The following MTMR9 variants were observed in gnomAD, a reference collection of about 807,000 sequenced individuals.
MTMR9 encodes myotubularin related protein 9.
In MTMR9, 39 loss-of-function variants were observed where a neutral mutation model predicts 69.5. The observed-to-expected ratio is 0.56, with a 90% confidence interval of 0.43 to 0.73. The LOEUF (loss-of-function observed/expected upper bound fraction) is 0.73. MTMR9 is among the 30% of genes least tolerant of loss of function. MTMR9 has a pLI of 0.00. For synonymous variants in MTMR9, 354 were observed against 240.8 expected (o/e 1.47, Z -4.35); for missense variants, 900 against 671.2 (o/e 1.34, Z -3.77).
intron 3 of MTMR9, among the ~76,000 whole-genome samples, chr8:11,301,719 A>G (rs1799754139): frequency 6.9e-6 from 1 of 145,358 alleles, no homozygotes; most frequent in Non-Finnish European, 1.5e-5. Context: ...AAATGGATTC[A>G]GTTTATTTTT....
intron 4 of MTMR9, 81 bp downstream of exon 4, chr8:11,305,095 C>T (rs973839605): frequency 3.1e-5 from 42 of 1,343,346 alleles, no homozygotes; most frequent in Non-Finnish European, 3.9e-5. Context: ...CTTTTGCTCT[C>T]TGTCTGTTCA....
intron 6 of MTMR9, among the ~76,000 whole-genome samples, chr8:11,311,437 A>T (rs937934561): frequency 6.6e-6 from 1 of 152,240 alleles, no homozygotes; most frequent in Non-Finnish European, 1.5e-5. Flanking sequence ...ACCACAGTAA[A>T]GCAAGTCATG....
intron 2 of MTMR9, among the ~76,000 whole-genome samples, chr8:11,297,117 C>T (rs1321839706): frequency 6.6e-6 from 1 of 151,878 alleles, no homozygotes; most frequent in East Asian, 1.9e-4. Context: ...TTTTTCTTTC[C>T]GTGTATGTGT....
chr8:11,330,010 C>A (rs1425294832), downstream of MTMR9, among the ~76,000 whole-genome samples: 2 of 151,174 alleles, frequency 1.3e-5, no homozygotes, highest in Non-Finnish European at 3.0e-5. Flanking sequence ...GCAGCTGCCC[C>A]GTCTGGGAAG....
chr8:11,339,236 A>G, the MTMR9 span, among the ~76,000 whole-genome samples: 1 of 152,266 alleles, frequency 6.6e-6, no homozygotes, highest in Non-Finnish European at 1.5e-5. Context: ...AACAGCTGCT[A>G]GGCCCAGATG....
At chr8:11,313,329 C>A (rs772170904) in intron 6 of MTMR9, among the ~76,000 whole-genome samples, 8 of 152,184 alleles carry the variant, frequency 5.3e-5, no homozygotes, top group Non-Finnish European at 1.2e-4. Context: ...CTGGTTTGAT[C>A]TTCTATCCAG....
At position 11,284,866 on chromosome 8, in the gene MTMR9, C is replaced by T. The variant is rs1288360837; in HGVS notation, c.-23C>T. On this transcript the variant is annotated 5_prime_UTR_variant, in exon 1 of 10. Coordinates refer to ENST00000221086, the MANE Select transcript of MTMR9 (RefSeq NM_015458.4). ...GCCTCGCACCTACCGGGCTCGGTTC[C>T]CTGGCTCCGGCCGCGGGGGAGCATG... The T allele has an allele frequency of 3.9e-6, 6 of 1,539,744 alleles. No homozygotes were observed. The highest frequency in any genetic ancestry group is 1.9e-5 in the African/African-American group (1 of 52,834).
At position 11,296,844 on chromosome 8, in the gene MTMR9, T is replaced by G. The variant is rs113336856; in HGVS notation, c.291+1542T>G. Among the ~76,000 whole-genome samples, 491 of 152,284 alleles carry G rather than the reference T, an allele frequency of 3.2e-3. 4 individuals carry two copies. The highest frequency in any genetic ancestry group is 0.011 in the African/African-American group (440 of 41,546). ...TTGTTTGTTTTTAGTAATCTGAATTTTCACGTATCAATTAGCTTAAGACAG... is the reference window on the plus strand; with the variant it reads ...TTGTTTGTTTTTAGTAATCTGAATTGTCACGTATCAATTAGCTTAAGACAG... On this transcript the variant is annotated intron_variant, in intron 2 of 9. Transcript: ENST00000221086.
At chr8:11,330,245 TG>T (rs1801155847), downstream of MTMR9, among the ~76,000 whole-genome samples, 1 of 144,068 alleles carries the variant, frequency 6.9e-6, no homozygotes, top group Admixed American at 6.8e-5. Flanking sequence ...GGGAGGGAGG[TG>T]GAGGGTCAGC....
chr8:11,322,581 T>C (rs1800744039), intron 9 of MTMR9, 44 bp from the exon 10 acceptor site: 1 of 1,544,208 alleles, frequency 6.5e-7, no homozygotes. Flanking sequence ...TAATCCATTG[T>C]ATATACCTTT....
chr8:11,314,827 C>G (rs375382648), intron 6 of MTMR9, 96 bp from the exon 7 acceptor site: 1 of 1,222,338 alleles, frequency 8.2e-7, no homozygotes, highest in African/African-American at 1.5e-5. Flanking sequence ...ACTCAGTAGA[C>G]TAAAATGTTG....
chr8:11,330,048 C>G (rs972036624), downstream of MTMR9, among the ~76,000 whole-genome samples: 8 of 152,238 alleles, frequency 5.3e-5, no homozygotes, highest in Non-Finnish European at 1.0e-4. Context: ...GGCAGCCGCC[C>G]CGTCTGGGAA....
downstream of MTMR9, among the ~76,000 whole-genome samples, chr8:11,329,443 G>T (rs1585147121): frequency 6.6e-6 from 1 of 152,240 alleles, no homozygotes; most frequent in South Asian, 2.1e-4. Context: ...CCTGCCGAGT[G>T]CCTGCCATTG....
intron 6 of MTMR9, among the ~76,000 whole-genome samples, chr8:11,310,828 G>A (rs1255305262): frequency 2.6e-5 from 4 of 151,944 alleles, no homozygotes; most frequent in Non-Finnish European, 5.9e-5. Flanking sequence ...CAATTTTGCA[G>A]CTGTGACAGC....
chr8:11,306,307 C>T lies in MTMR9; in HGVS notation c.709C>T (p.Arg237Ter), dbSNP rs746256215. The T allele has an allele frequency of 3.1e-6, 5 of 1,613,912 alleles. No homozygotes were observed. Among genetic ancestry groups the T allele is most frequent in the Non-Finnish European group, 3.4e-6 (4 of 1,179,968 alleles). Residue 237 changes from arginine to a stop codon, truncating the protein, a stop_gained, in exon 5 of 10, where the codon CGA becomes TGA. Coordinates refer to ENST00000221086, the MANE Select transcript of MTMR9 (RefSeq NM_015458.4). LOFTEE classifies it high-confidence loss of function. Reference protein sequence around the residue: ...AGKRGYIIDTRSLNVAQQTRA... With the variant: ...AGKRGYIIDT ...AAAGCGTGGCTACATCATTGACACC[C>T]GATCCCTGAACGTGGCTCAGCAAAC...
chr8:11,336,662 T>C, the MTMR9 span, among the ~76,000 whole-genome samples: 84 of 152,352 alleles, frequency 5.5e-4, 1 homozygote, highest in East Asian at 0.014. Context: ...TTAAAGTTAT[T>C]TGGAATATTT....
the MTMR9 span, among the ~76,000 whole-genome samples, chr8:11,336,385 C>T: frequency 2.0e-5 from 3 of 152,202 alleles, no homozygotes; most frequent in East Asian, 1.9e-4. Context: ...GCTGTGTCAA[C>T]GTGTCCACCT....
downstream of MTMR9, among the ~76,000 whole-genome samples, chr8:11,328,806 A>G (rs1801062963): frequency 6.6e-6 from 1 of 152,228 alleles, no homozygotes; most frequent in Non-Finnish European, 1.5e-5. Flanking sequence ...AAAAGTTAAC[A>G]TCATTAGTAA....
downstream of MTMR9, among the ~76,000 whole-genome samples, chr8:11,332,794 G>C (rs1294470321): frequency 6.6e-6 from 1 of 152,116 alleles, no homozygotes; most frequent in Non-Finnish European, 1.5e-5. Flanking sequence ...TAGAGATGAG[G>C]TTTCACTATG....
Sources: allele counts gnomAD v4.1 joint callset (sites outside exome capture counted in the v4.1 genomes callset), GRCh38; gene constraint gnomAD v4.1.1; transcripts MANE v1.5; gene names NCBI Gene and HGNC (gene_info 2026-07-23, HGNC 2026-07-21).